The following EXT2 variants were observed in gnomAD, a reference collection of about 807,000 sequenced individuals.
EXT2 encodes exostosin glycosyltransferase 2, also known as exostosin-2.
In EXT2, 53 loss-of-function variants were observed where a neutral mutation model predicts 81.6. The observed-to-expected ratio is 0.65, with a 90% CI of 0.52 to 0.82. The LOEUF (loss-of-function observed/expected upper bound fraction) is 0.82, where lower values mean the gene tolerates loss of function less well. Among genes scored for constraint, EXT2 ranks in the 40% least tolerant of loss-of-function variants. The pLI is 0.00. For synonymous variants in EXT2, 320 were observed against 340.0 expected, an observed-to-expected ratio of 0.94 and a Z score of 0.65; for missense variants, 774 against 910.2, an observed-to-expected ratio of 0.85 and a Z score of 1.93.
At chr11:44,097,110 T>A (rs1953909125) in intron 1 of EXT2, among the ~76,000 whole-genome samples, 1 of 152,212 alleles carries the variant, frequency 6.6e-6, no homozygotes, top group Non-Finnish European at 1.5e-5. Context: ...TGTTGTACTA[T>A]CCCCATCTGT....
chr11:44,218,676 T>A (rs1955747115), intron 10 of EXT2, among the ~76,000 whole-genome samples: 1 of 152,132 alleles, frequency 6.6e-6, no homozygotes, highest in Non-Finnish European at 1.5e-5. Flanking sequence ...CCTCACTAAT[T>A]GGAGAATTCC....
At chr11:44,205,727 T>C (rs2135201622) in intron 9 of EXT2, among the ~76,000 whole-genome samples, 1 of 152,312 alleles carries the variant, frequency 6.6e-6, no homozygotes, top group South Asian at 2.1e-4. Context: ...TCTTCTTCAG[T>C]ATGGTGACTT....
rs554898430 is a variant in EXT2, at chr11:44,208,313, A to G, written c.1662+1354A>G. Among the ~76,000 whole-genome samples, 568 of 152,290 alleles carry G rather than the reference A, an allele frequency of 3.7e-3. 6 individuals are homozygous for G. Among genetic ancestry groups the G allele is most frequent in the African/African-American group, 0.013 (543 of 41,552 alleles). On this transcript the variant is annotated intron_variant, in intron 10 of 13. Coordinates refer to ENST00000533608, the MANE Select transcript of EXT2 (RefSeq NM_207122.2). ...GTGGAAAAAAGGAATGTTCAAAACG[A>G]CATGACCAAGATGGACAGAGGGCTG...
chr11:44,217,241 C>A (rs1244891454), intron 10 of EXT2, among the ~76,000 whole-genome samples: 1 of 152,060 alleles, frequency 6.6e-6, no homozygotes, highest in East Asian at 1.9e-4. Context: ...CTTAAAGGCA[C>A]ACCATAGCAA....
chr11:44,157,119 G>A (rs1280547742), intron 7 of EXT2, among the ~76,000 whole-genome samples: 2 of 152,166 alleles, frequency 1.3e-5, no homozygotes, highest in East Asian at 3.8e-4. Context: ...CCTAGAACTG[G>A]GGAATGGGTG....
chr11:44,160,590 A>C (rs1028090329), intron 7 of EXT2, among the ~76,000 whole-genome samples: 5 of 152,192 alleles, frequency 3.3e-5, no homozygotes, highest in Admixed American at 6.5e-5. Flanking sequence ...ACTTGCCTAG[A>C]CTAGCAGAAG....
intron 7 of EXT2, among the ~76,000 whole-genome samples, chr11:44,150,942 C>T (rs572692291): frequency 8.5e-5 from 13 of 152,140 alleles, no homozygotes; most frequent in East Asian, 1.9e-4. Context: ...GCTTTTCCCC[C>T]GTAGAATTAC....
chr11:44,203,707 C>T lies in EXT2; in HGVS notation c.1496-3086C>T, dbSNP rs77816095. Among the ~76,000 whole-genome samples the T allele has an allele frequency of 4.9e-3, 746 of 152,264 alleles. 7 individuals are homozygous for T. The highest frequency in any genetic ancestry group is 0.017 in the African/African-American group (722 of 41,552). On this transcript the variant is annotated intron_variant, in intron 9 of 13. Transcript: ENST00000533608. ...AGGGAAGAGGTGCTACTTACACTTG[C>T]TAGAGACAAGTGCCCCTGCCTGCCT...
At chr11:44,202,301 A>G (rs1289584043) in intron 9 of EXT2, among the ~76,000 whole-genome samples, 4 of 152,220 alleles carry the variant, frequency 2.6e-5, no homozygotes, top group African/African-American at 9.7e-5. Context: ...AAAGCTGTCT[A>G]TGGGTTGAAT....
At chr11:44,142,199 C>T (rs1472073408) in intron 7 of EXT2, among the ~76,000 whole-genome samples, 1 of 152,140 alleles carries the variant, frequency 6.6e-6, no homozygotes, top group Non-Finnish European at 1.5e-5. Context: ...ATTCTGTCTC[C>T]TTAAGCATTG....
Position 44,171,616 on chromosome 11 carries a change from G to C in EXT2, c.1179G>C (p.Arg393=), listed in dbSNP as rs1248919567. The C allele has an allele frequency of 1.2e-6, 2 of 1,614,042 alleles. No individual in the cohort carries two copies. Among genetic ancestry groups the C allele is most frequent in the African/African-American group, 2.7e-5 (2 of 74,918 alleles). The stretch of plus-strand genomic sequence containing the variant: ...CAGCATTATTTTCTTTATAGGCCCG[G>C]TGGTTCTGGGAAGCGTACTTCCAGT... The part of the protein sequence containing the change: ...RQIEEMQRQA[R]WFWEAYFQSI... Residue 393 remains arginine, a synonymous_variant, in exon 8 of 14, where the codon CGG becomes CGC. Coordinates refer to ENST00000533608, the MANE Select transcript of EXT2 (RefSeq NM_207122.2).
intron 7 of EXT2, chr11:44,144,387 C>T (rs762223743): frequency 8.1e-6 from 12 of 1,483,046 alleles, no homozygotes; most frequent in Admixed American, 1.7e-5. Context: ...AATCTCTAGT[C>T]TCTTTGCTGA....
At chr11:44,207,876 C>T (rs935701948) in intron 10 of EXT2, among the ~76,000 whole-genome samples, 14 of 151,912 alleles carry the variant, frequency 9.2e-5, no homozygotes, top group Non-Finnish European at 1.3e-4. Flanking sequence ...CCGACACTAT[C>T]GCCACCACTA....
chr11:44,189,283 T>G (rs77462748), intron 8 of EXT2, among the ~76,000 whole-genome samples: 215 of 152,336 alleles, frequency 1.4e-3, no homozygotes, highest in Non-Finnish European at 2.2e-3. Flanking sequence ...AGCCTTTGAT[T>G]TTCTCCATTT....
intron 13 of EXT2, among the ~76,000 whole-genome samples, chr11:44,237,139 T>TG (rs905765785): frequency 1.3e-5 from 2 of 152,102 alleles, no homozygotes; most frequent in Non-Finnish European, 2.9e-5. Context: ...GGGACCAAAA[T>TG]GCACTCAGAT....
Position 44,234,232 on chromosome 11 carries a change from G to A in EXT2, c.1924G>A (p.Ala642Thr). Residue 642 changes from alanine to threonine, a missense_variant, in exon 12 of 14, where the codon GCA (alanine) becomes ACA (threonine). Ala to Thr is a moderately conservative substitution (Grantham distance 58). Transcript: ENST00000533608. ...CCTGGTGGCCAACGTCACGGGAAAA[G>A]CAGTTATCAAGGTAGGAGGCTCTGC... Reference protein sequence around the residue: ...NFLVANVTGKAVIKVTPRKKF... With the variant: ...NFLVANVTGKTVIKVTPRKKF... 3 of 1,614,052 alleles carry A rather than the reference G, an allele frequency of 1.9e-6. No homozygotes were observed. Among genetic ancestry groups the A allele is most frequent in the Non-Finnish European group, 2.5e-6 (3 of 1,179,984 alleles).
intron 7 of EXT2, among the ~76,000 whole-genome samples, chr11:44,167,965 TC>T (rs1451891277): frequency 4.4e-5 from 3 of 67,506 alleles, no homozygotes; most frequent in African/African-American, 1.7e-4. Flanking sequence ...CCCTCCCCCC[TC>T]CCCACTCCCC....
At chr11:44,153,231 C>T (rs910269621) in intron 7 of EXT2, among the ~76,000 whole-genome samples, 1 of 152,132 alleles carries the variant, frequency 6.6e-6, no homozygotes, top group Non-Finnish European at 1.5e-5. Context: ...AGATCTTATA[C>T]ATATTTTGTT....
At chr11:44,140,298 A>C (rs1230028138) in intron 7 of EXT2, among the ~76,000 whole-genome samples, 1 of 152,150 alleles carries the variant, frequency 6.6e-6, no homozygotes, top group African/African-American at 2.4e-5. Flanking sequence ...ATCGAATTTA[A>C]AGGGACTTTC....
Sources: gnomAD v4.1 joint callset for allele counts (sites outside exome capture counted in the v4.1 genomes callset) on GRCh38, gnomAD v4.1.1 for gene constraint, MANE v1.5 for transcripts, NCBI Gene and HGNC (gene_info 2026-07-23, HGNC 2026-07-21) for gene names.